Variants in PPP1R16A observed in about 807,000 individuals in gnomAD.
PPP1R16A encodes protein phosphatase 1 regulatory subunit 16A, also known as myosin phosphatase-targeting subunit 3.
Under a neutral mutation model 46.6 loss-of-function variants are expected in PPP1R16A, and 39 were observed. That is an observed-to-expected ratio of 0.84 (90% CI 0.65 to 1.09). The LOEUF (loss-of-function observed/expected upper bound fraction) is 1.09, where lower values mean the gene tolerates loss of function less well. PPP1R16A is among the 50% of genes least tolerant of loss of function. PPP1R16A has a pLI of 0.00. For synonymous variants in PPP1R16A, 413 were observed against 321.5 expected (o/e 1.28, Z -3.04); for missense variants, 798 against 735.6 (o/e 1.08, Z -0.98).
chr8:144,484,662 C>T (rs1295572659), intron 1 of PPP1R16A, among the ~76,000 whole-genome samples: 1 of 152,186 alleles, frequency 6.6e-6, no homozygotes, highest in Non-Finnish European at 1.5e-5. Flanking sequence ...GGAGATGCAA[C>T]GCTTCCCCTG....
At position 144,498,954 on chromosome 8, in the gene PPP1R16A, C is replaced by T; in HGVS notation, c.369C>T (p.Leu123=). ...ATTTCCGAGAGATGGTGCAGCAGCT[C>T]CTGGAGGCTGGGGCCAACATCAATG... ...IDDFREMVQQ[L]LEAGANINAC... is the part of the protein sequence containing the mutation. Residue 123 remains leucine, a synonymous_variant, in exon 5 of 12, where the codon CTC becomes CTT. Transcript: ENST00000435887. 1.9e-6 allele frequency: 3 copies of T among 1,612,622 alleles called. No individual in the cohort carries two copies. Among genetic ancestry groups the T allele is most frequent in the Non-Finnish European group, 2.5e-6 (3 of 1,179,818 alleles).
In PPP1R16A at chr8:144,496,845, G is replaced by T. The variant is rs1421877386; in HGVS notation, c.-350G>T. The T allele has an allele frequency of 2.5e-6, 1 of 403,248 alleles. No individual in the cohort carries two copies. The highest frequency in any genetic ancestry group is 4.8e-5 in the East Asian group (1 of 20,804). The allele number at this position is 403,248 out of a possible 1,614,324, so 25.0% of individuals were successfully genotyped here. ...CTTGTTATCTGGGTAATTAGTTTCA[G>T]ACCCTGCACTGAGGCCGGCCAGGTC... On this transcript the variant is annotated 5_prime_UTR_variant, in exon 3 of 12. Coordinates refer to ENST00000435887, the MANE Select transcript of PPP1R16A (RefSeq NM_001329443.2).
In PPP1R16A at chr8:144,500,847, T is replaced by G. The variant is rs1826398056; in HGVS notation, c.913T>G (p.Cys305Gly). 2 of 1,579,072 alleles carry G rather than the reference T, an allele frequency of 1.3e-6. No individual in the cohort carries two copies. Among genetic ancestry groups the G allele is most frequent in the South Asian group, 1.1e-5 (1 of 87,188 alleles). ...CGCCTGCGCCCACTTCTCAGATGTG[T>G]GCGGGGACGAGGAGGTGCGGGCCAA... ...SLMDETPLDV[C>G]GDEEVRAKLL... The change falls in exon 10 of 12, where the codon TGC becomes GGC. Residue 305 changes from cysteine (C) to glycine (G), a missense_variant. Cys to Gly is a radical substitution (Grantham distance 159). Coordinates refer to ENST00000435887, the MANE Select transcript of PPP1R16A (RefSeq NM_001329443.2).
chr8:144,491,537 G>A (rs552513515), intron 2 of PPP1R16A, among the ~76,000 whole-genome samples: 1 of 152,238 alleles, frequency 6.6e-6, no homozygotes, highest in Non-Finnish European at 1.5e-5. Flanking sequence ...GCTGACATGA[G>A]CAGATCACGA....
Position 144,501,307 on chromosome 8 carries a change from TCCC to T in PPP1R16A, c.1203+14_1203+16del. On this transcript the variant is annotated intron_variant, in intron 11 of 11. Coordinates refer to ENST00000435887, the MANE Select transcript of PPP1R16A (RefSeq NM_001329443.2). ...GCCGCCCCCGGAGGTGAGCGCCCCGTCCCTGCTCCGCCCAGCGCAGGGGTGGGC... is the reference window on the plus strand; with the variant it reads ...GCCGCCCCCGGAGGTGAGCGCCCCGTTGCTCCGCCCAGCGCAGGGGTGGGC... The T allele has an allele frequency of 6.4e-7, 1 of 1,564,486 alleles. No homozygotes were observed.
At chr8:144,500,068 C>T (rs758783544) in intron 5 of PPP1R16A, 28 bp from the exon 6 acceptor site, 4 of 1,583,828 alleles carry the variant, frequency 2.5e-6, no homozygotes. Flanking sequence ...GGGCCTTGTG[C>T]CCAGCACCCC....
chr8:144,477,986 G>A lies in PPP1R16A; in HGVS notation c.-1055G>A, dbSNP rs890664468. The A allele has an allele frequency of 2.5e-6, 1 of 392,866 alleles. No homozygotes were observed. The highest frequency in any genetic ancestry group is 4.5e-6 in the Non-Finnish European group (1 of 222,254). 24.3% of individuals were successfully genotyped at this position (392,866 alleles called of 1,614,324 possible). ...GGGGCACCGCGGCTTCCGGCTATGG[G>A]TACCGCGGGCCGGAAGTGTAGCGTT... On this transcript the variant is annotated 5_prime_UTR_variant, in exon 1 of 12. Transcript: ENST00000435887.
Position 144,480,053 on chromosome 8 carries a change from G to A in PPP1R16A, c.-914+1926G>A, listed in dbSNP as rs556491343. On this transcript the variant is annotated intron_variant, in intron 1 of 11. Coordinates refer to ENST00000435887, the MANE Select transcript of PPP1R16A (RefSeq NM_001329443.2). ...CTGGCATGTCAAGAATTAAAACAAG[G>A]TGATGAGATAAGAGAATGACAAGGT... is the stretch of plus-strand genomic sequence containing the variant. Among the ~76,000 whole-genome samples the A allele has an allele frequency of 1.3e-4, 20 of 152,344 alleles. No individual in the cohort carries two copies. In the South Asian group the frequency reaches 1.9e-3, roughly 14 times the overall value.
At chr8:144,482,247 A>G (rs1411662913) in intron 1 of PPP1R16A, among the ~76,000 whole-genome samples, 2 of 151,190 alleles carry the variant, frequency 1.3e-5, no homozygotes, top group Non-Finnish European at 2.9e-5. Flanking sequence ...TAATTTTTGT[A>G]TTTTTAGTAG....
At chr8:144,491,155 A>G (rs1334972619) in intron 2 of PPP1R16A, among the ~76,000 whole-genome samples, 2 of 152,212 alleles carry the variant, frequency 1.3e-5, no homozygotes, top group Non-Finnish European at 2.9e-5. Flanking sequence ...GCAAGATACC[A>G]TAGCCATTCT....
At chr8:144,492,401 T>TCTCAGCTCAGTGCAAG (rs780053757) in intron 2 of PPP1R16A, among the ~76,000 whole-genome samples, 62 of 149,948 alleles carry the variant, frequency 4.1e-4, no homozygotes, top group Non-Finnish European at 6.2e-4. Context: ...AGTGGTGCGA[T>TCTCAGCTCAGTGCAAG]CTCAGCTCAG....
intron 11 of PPP1R16A, 85 bp from the exon 12 acceptor site, chr8:144,501,435 T>C: frequency 6.8e-7 from 1 of 1,481,210 alleles, no homozygotes. Flanking sequence ...CTCCTGTCTG[T>C]CCCTTCATGA....
At chr8:144,480,951 C>G (rs923857223) in intron 1 of PPP1R16A, among the ~76,000 whole-genome samples, 1 of 151,366 alleles carries the variant, frequency 6.6e-6, no homozygotes, top group Non-Finnish European at 1.5e-5. Context: ...TGCAGTGGCA[C>G]GATCTTGGCT....
chr8:144,501,871 G>A lies in PPP1R16A; in HGVS notation c.1555G>A (p.Val519Met), dbSNP rs745617545. ...KLTAPAVEAPVERRPCCLLM is the reference protein window; with the variant it reads ...KLTAPAVEAPMERRPCCLLM ...CACAGCCCCGGCGGTGGAGGCTCCC[G>A]TGGAGAGGAGGCCGTGCTGCCTGCT... is the stretch of plus-strand genomic sequence containing the variant. The change falls in exon 12 of 12, where the codon GTG becomes ATG. Residue 519 changes from valine to methionine, a missense_variant. Coordinates refer to ENST00000435887, the MANE Select transcript of PPP1R16A (RefSeq NM_001329443.2). 1.5e-5 allele frequency: 23 copies of A among 1,540,016 alleles called. No homozygotes were observed. The highest frequency in any genetic ancestry group is 1.9e-5 in the Non-Finnish European group (22 of 1,143,486).
In PPP1R16A at chr8:144,501,202, G is replaced by A. The variant is rs769057783; in HGVS notation, c.1111G>A (p.Val371Met). The change falls in exon 11 of 12, where the codon GTG (valine) becomes ATG (methionine). Residue 371 changes from valine to methionine, a missense_variant. Physicochemically the swap from Val to Met is conservative, Grantham distance 21. Coordinates refer to ENST00000435887, the MANE Select transcript of PPP1R16A (RefSeq NM_001329443.2). ...YRKQHAQEAIVWQQPPPTSPE... is the reference protein window; with the variant it reads ...YRKQHAQEAIMWQQPPPTSPE... ...CAAGCAGCACGCCCAGGAGGCCATC[G>A]TGTGGCAACAGCCGCCGCCCACCAG... 6.2e-7 allele frequency: 1 copy of A among 1,609,500 alleles called. No homozygotes were observed. The highest frequency in any genetic ancestry group is 1.1e-5 in the South Asian group (1 of 91,036).
chr8:144,486,960 C>T (rs1825646581), intron 1 of PPP1R16A, among the ~76,000 whole-genome samples: 1 of 152,184 alleles, frequency 6.6e-6, no homozygotes, highest in Non-Finnish European at 1.5e-5. Flanking sequence ...ATTTGCATTT[C>T]ACCTGGGGTG....
In PPP1R16A at chr8:144,502,052, T is replaced by G. The variant is rs1490087631; in HGVS notation, c.*149T>G. The G allele has an allele frequency of 2.2e-5, 16 of 722,652 alleles. No individual in the cohort carries two copies. Among genetic ancestry groups the G allele is most frequent in the African/African-American group, 1.6e-4 (9 of 55,818 alleles). The allele number at this position is 722,652 out of a possible 1,614,324, so 44.8% of individuals were successfully genotyped here. On this transcript the variant is annotated 3_prime_UTR_variant, in exon 12 of 12. Coordinates refer to ENST00000435887, the MANE Select transcript of PPP1R16A (RefSeq NM_001329443.2). ...CCCCTCTCAGGTCAGAAGACATGCC[T>G]GGAGGGATGTCTGGCTGCAAAGACT... is the stretch of plus-strand genomic sequence containing the variant.
intron 1 of PPP1R16A, among the ~76,000 whole-genome samples, chr8:144,484,041 G>A (rs1825545964): frequency 6.6e-6 from 1 of 152,190 alleles, no homozygotes; most frequent in Non-Finnish European, 1.5e-5. Context: ...GGCTTACTGT[G>A]TCACCTGCGC....
At chr8:144,481,995 T>G (rs1825448454) in intron 1 of PPP1R16A, among the ~76,000 whole-genome samples, 1 of 89,676 alleles carries the variant, frequency 1.1e-5, no homozygotes, top group African/African-American at 4.7e-5. Flanking sequence ...GCCAGGCTGG[T>G]CTCGAACTCC....
Sources: allele counts gnomAD v4.1 joint callset (sites outside exome capture counted in the v4.1 genomes callset), GRCh38; gene constraint gnomAD v4.1.1; transcripts MANE v1.5; gene names NCBI Gene and HGNC (gene_info 2026-07-23, HGNC 2026-07-21).